Variants in SMURF1 observed in about 807,000 individuals in gnomAD.
SMURF1 encodes E3 ubiquitin-protein ligase SMURF1.
Under a neutral mutation model 98.0 loss-of-function variants are expected in SMURF1, and 44 were observed. The observed-to-expected ratio is 0.45, with a 90% CI of 0.35 to 0.58. SMURF1 has a LOEUF of 0.58. Ranked by LOEUF, SMURF1 falls within the 20% of genes least tolerant of loss-of-function variation. The pLI, the probability that SMURF1 is intolerant of heterozygous loss-of-function variation, is 0.00. For synonymous variants in SMURF1, 396 were observed against 374.9 expected (o/e 1.06, Z -0.65); for missense variants, 687 against 938.4 (o/e 0.73, Z 3.50).
chr7:99,101,658 G>A (rs1420569942), intron 1 of SMURF1, among the ~76,000 whole-genome samples: 1 of 152,078 alleles, frequency 6.6e-6, no homozygotes, highest in Non-Finnish European at 1.5e-5. Context: ...TGATACACAC[G>A]GCCGGGCATG....
chr7:99,065,356 G>A (rs1426412144), intron 1 of SMURF1, among the ~76,000 whole-genome samples: 2 of 152,120 alleles, frequency 1.3e-5, no homozygotes, highest in African/African-American at 2.4e-5. Context: ...CCAAAATGCT[G>A]GGATTACAGA....
At chr7:99,102,652 T>C (rs1392697009) in intron 1 of SMURF1, among the ~76,000 whole-genome samples, 1 of 152,224 alleles carries the variant, frequency 6.6e-6, no homozygotes, top group East Asian at 1.9e-4. Context: ...TTTTAAATTA[T>C]GTATATACAA....
chr7:99,085,353 C>CA (rs992976220), intron 1 of SMURF1, among the ~76,000 whole-genome samples: 6,902 of 51,894 alleles, frequency 0.13, 308 homozygotes, highest in East Asian at 0.35. Context: ...AACTCCATCT[C>CA]AAAAAAAAAA....
At chr7:99,137,309 AC>A (rs1798014019) in intron 1 of SMURF1, among the ~76,000 whole-genome samples, 1 of 152,224 alleles carries the variant, frequency 6.6e-6, no homozygotes, top group Non-Finnish European at 1.5e-5. Flanking sequence ...CTCTAAAAAG[AC>A]AGATCTCTGG....
chr7:99,106,388 G>A (rs575953992), intron 1 of SMURF1, among the ~76,000 whole-genome samples: 8 of 152,312 alleles, frequency 5.3e-5, no homozygotes, highest in Non-Finnish European at 1.0e-4. Flanking sequence ...ATACACTGTG[G>A]TTTGTGAAAT....
At chr7:99,064,877 C>T (rs1796149395) in intron 1 of SMURF1, among the ~76,000 whole-genome samples, 3 of 152,012 alleles carry the variant, frequency 2.0e-5, no homozygotes, top group African/African-American at 7.3e-5. Context: ...ATAGAAAATC[C>T]ACAGCCCCAA....
chr7:99,081,593 C>T (rs1239983114), intron 1 of SMURF1, among the ~76,000 whole-genome samples: 2 of 152,214 alleles, frequency 1.3e-5, no homozygotes, highest in African/African-American at 2.4e-5. Context: ...ACATTCCCAA[C>T]AGCAATACAT....
chr7:99,079,767 G>A (rs1197317458), intron 1 of SMURF1, among the ~76,000 whole-genome samples: 1 of 152,106 alleles, frequency 6.6e-6, no homozygotes. Flanking sequence ...AAGTAGAAAT[G>A]AGAAACTGTT....
intron 1 of SMURF1, among the ~76,000 whole-genome samples, chr7:99,140,805 T>C (rs928123074): frequency 1.3e-5 from 2 of 151,480 alleles, no homozygotes; most frequent in East Asian, 1.9e-4. Flanking sequence ...TTTTTTTTTT[T>C]CCAAATAACA....
At chr7:99,126,389 G>C (rs1797746360) in intron 1 of SMURF1, among the ~76,000 whole-genome samples, 2 of 150,236 alleles carry the variant, frequency 1.3e-5, no homozygotes, top group African/African-American at 2.5e-5. Context: ...TGGGTGCAGT[G>C]GTTCACGCCT....
chr7:99,117,920 A>G (rs1354187022), intron 1 of SMURF1, among the ~76,000 whole-genome samples: 1 of 151,994 alleles, frequency 6.6e-6, no homozygotes, highest in Non-Finnish European at 1.5e-5. Flanking sequence ...CTCTACTAAA[A>G]ATACAAAAAT....
At chr7:99,138,133 G>C (rs1798036958) in intron 1 of SMURF1, among the ~76,000 whole-genome samples, 1 of 151,458 alleles carries the variant, frequency 6.6e-6, no homozygotes, top group Non-Finnish European at 1.5e-5. Context: ...TATATTCCTT[G>C]TTTAAAAAAA....
rs538435822 is a variant in SMURF1, at chr7:99,115,871, ATT to A, written c.55+27853_55+27854del. ...TTCACTGGTGAGCTTTACCATAAAC[ATT>A]TTTTTTTTTAAATTAACAAAACCCC... On this transcript the variant is annotated intron_variant, in intron 1 of 17. Coordinates refer to ENST00000361368, the MANE Select transcript of SMURF1 (RefSeq NM_181349.3). 8.7e-3 allele frequency among the ~76,000 whole-genome samples: 1,303 copies of A among 149,010 alleles called. 20 individuals are homozygous for A. The highest frequency in any genetic ancestry group is 0.029 in the African/African-American group (1,184 of 40,922).
intron 1 of SMURF1, among the ~76,000 whole-genome samples, chr7:99,111,060 C>G (rs1797308413): frequency 6.6e-6 from 1 of 152,180 alleles, no homozygotes; most frequent in African/African-American, 2.4e-5. Context: ...ACTGCAGGTG[C>G]AAGACTTACT....
chr7:99,062,801 T>C (rs1393393615), intron 1 of SMURF1, among the ~76,000 whole-genome samples: 1 of 152,014 alleles, frequency 6.6e-6, no homozygotes, highest in Non-Finnish European at 1.5e-5. Context: ...TGAGCCAAGA[T>C]CTCACCACTG....
chr7:99,116,540 C>T (rs751382090), intron 1 of SMURF1, among the ~76,000 whole-genome samples: 1 of 152,110 alleles, frequency 6.6e-6, no homozygotes, highest in African/African-American at 2.4e-5. Flanking sequence ...GATCAACATA[C>T]TAAAATCAGC....
In SMURF1 at chr7:99,033,046, G is replaced by C; in HGVS notation, c.2087C>G (p.Ala696Gly). 6.3e-7 allele frequency: 1 copy of C among 1,597,218 alleles called. No individual in the cohort carries two copies. The highest frequency in any genetic ancestry group is 8.5e-7 in the Non-Finnish European group (1 of 1,171,246). The change falls in exon 17 of 18, where the codon GCC becomes GGC. Residue 696 changes from alanine to glycine, a missense_variant. By Grantham distance (60) the Ala-to-Gly change is moderately conservative. Around this residue, in one of 2 missense-constraint regions of SMURF1, gnomAD observed 272 missense variants for 430.0 expected, o/e 0.63. Coordinates refer to ENST00000361368, the MANE Select transcript of SMURF1 (RefSeq NM_181349.3). ...TGGCCGCGGTGCTTACCAGGTATGG[G>C]CCTTCGGAAGGTTGTCTGTGTTCGC... Reference protein sequence around the residue: ...IDANTDNLPKAHTCFNRIDIP... With the variant: ...IDANTDNLPKGHTCFNRIDIP...
chr7:99,107,699 G>A (rs934773267), intron 1 of SMURF1, among the ~76,000 whole-genome samples: 14 of 152,156 alleles, frequency 9.2e-5, no homozygotes, highest in Non-Finnish European at 1.5e-4. Context: ...TACAGTTACA[G>A]GAAGCAAGAA....
intron 6 of SMURF1, among the ~76,000 whole-genome samples, 200 bp from the exon 7 acceptor site, chr7:99,052,646 C>A (rs970372924): frequency 6.6e-6 from 1 of 152,224 alleles, no homozygotes; most frequent in Non-Finnish European, 1.5e-5. Flanking sequence ...CTAAGAGGAA[C>A]AGGTGGCCGG....
Sources: allele counts gnomAD v4.1 joint callset (sites outside exome capture counted in the v4.1 genomes callset), GRCh38; gene constraint gnomAD v4.1.1; regional missense constraint gnomAD v4.1.1; transcripts MANE v1.5; gene names NCBI Gene and HGNC (gene_info 2026-07-23, HGNC 2026-07-21).